The following TRIM34 variants were observed in gnomAD, a reference collection of about 807,000 sequenced individuals.
TRIM34 encodes the protein E3 ubiquitin-protein ligase TRIM34.
TRIM34 carries 41 observed loss-of-function variants against 38.1 expected under a neutral mutation model. The observed-to-expected ratio is 1.08, with a 90% CI of 0.84 to 1.40. The LOEUF is 1.40. Among genes scored for constraint, TRIM34 ranks in the 40% most tolerant of loss-of-function variants. The pLI, the probability that TRIM34 is intolerant of heterozygous loss-of-function variation, is 0.00. For synonymous variants in TRIM34, 200 were observed against 202.5 expected (o/e 0.99, Z 0.10); for missense variants, 556 against 571.4 (o/e 0.97, Z 0.27).
In TRIM34 at chr11:5,633,652, A is replaced by C. The variant is rs1344582686; in HGVS notation, c.424-152A>C. The C allele has an allele frequency of 4.5e-6, 3 of 660,728 alleles. No homozygotes were observed. In the East Asian group the frequency reaches 8.7e-5, roughly 19 times the overall value. 40.9% of individuals were successfully genotyped at this position (660,728 alleles called of 1,614,324 possible). ...ATGAACAATACATTCATCTCCTCAA[A>C]ATTTTCCCCATGTCATAGATTCTAA... On this transcript the variant is annotated intron_variant, in intron 2 of 7. Transcript: ENST00000429814.
At chr11:5,639,538 G>A (rs943273553) in intron 4 of TRIM34, among the ~76,000 whole-genome samples, 2 of 151,630 alleles carry the variant, frequency 1.3e-5, no homozygotes, top group Non-Finnish European at 2.9e-5. Context: ...AAATTAGCCG[G>A]GCATGGTGGC....
At chr11:5,632,130 T>A in intron 1 of TRIM34, 125 bp from the exon 2 acceptor site, 1 of 1,371,088 alleles carries the variant, frequency 7.3e-7, no homozygotes, top group Middle Eastern at 2.5e-4. Flanking sequence ...TCAGCCATTT[T>A]TGGTTTCTCT....
intron 1 of TRIM34, among the ~76,000 whole-genome samples, chr11:5,628,291 G>A (rs894998892): frequency 3.4e-4 from 52 of 152,294 alleles, no homozygotes; most frequent in African/African-American, 1.2e-3. Context: ...ATACTGATTG[G>A]AATAAAAGAT....
chr11:5,644,139 G>T lies in TRIM34; in HGVS notation c.*430G>T. The T allele has an allele frequency of 2.5e-6, 1 of 399,998 alleles. No homozygotes were observed. The highest frequency in any genetic ancestry group is 4.4e-6 in the Non-Finnish European group (1 of 227,178). 24.8% of individuals were successfully genotyped at this position (399,998 alleles called of 1,614,324 possible). A position where few individuals can be genotyped will look rare whatever the true frequency, so the allele number is the denominator to read the frequency against. ...CTCAGGATACCCCAGGTACATCAAG[G>T]AATCAAGGAGAGGAAAATATGAGCA... On this transcript the variant is annotated 3_prime_UTR_variant, in exon 8 of 8. Coordinates refer to ENST00000429814, the MANE Select transcript of TRIM34 (RefSeq NM_021616.6).
intron 1 of TRIM34, among the ~76,000 whole-genome samples, chr11:5,629,568 T>C (rs756695709): frequency 6.6e-6 from 1 of 152,226 alleles, no homozygotes; most frequent in South Asian, 2.1e-4. Flanking sequence ...TGGTACACCC[T>C]CTGGCTGACC....
chr11:5,633,755 A>G (rs749745044), intron 2 of TRIM34, 49 bp from the exon 3 acceptor site: 78 of 1,569,022 alleles, frequency 5.0e-5, no homozygotes, highest in Non-Finnish European at 6.6e-5. Context: ...CTCTATCCAG[A>G]TACTAAGAAA....
intron 3 of TRIM34, 109 bp downstream of exon 3, chr11:5,634,008 T>A (rs1292939412): frequency 7.7e-6 from 9 of 1,162,158 alleles, no homozygotes; most frequent in African/African-American, 1.5e-5. Context: ...CTGAAGCCAT[T>A]TGATTAGTTC....
chr11:5,632,575 A>C lies in TRIM34; in HGVS notation c.244A>C (p.Lys82Gln), dbSNP rs936773156. 6 of 1,613,718 alleles carry C rather than the reference A, an allele frequency of 3.7e-6. No homozygotes were observed. The Admixed American group carries it at 5.0e-5, about 13-fold the overall frequency. Residue 82 changes from lysine to glutamine, a missense_variant, in exon 2 of 8, where the codon AAG becomes CAG. Lys to Gln is a moderately conservative substitution (Grantham distance 53). Transcript: ENST00000429814. ...TCTGGCCAACATAGTGGAGAGACTC[A>C]AGGAGGTCAAGTTGAGCCCAGACAA... ...QHLANIVERL[K>Q]EVKLSPDNGK... is the part of the protein sequence containing the mutation.
At chr11:5,631,178 G>GT (rs1168043889) in intron 1 of TRIM34, among the ~76,000 whole-genome samples, 4 of 152,116 alleles carry the variant, frequency 2.6e-5, no homozygotes, top group Non-Finnish European at 5.9e-5. Flanking sequence ...ATCAACCTCT[G>GT]TAACATCCTT....
intron 2 of TRIM34, among the ~76,000 whole-genome samples, chr11:5,633,378 A>G (rs1055286960): frequency 3.3e-5 from 5 of 152,062 alleles, no homozygotes; most frequent in Non-Finnish European, 7.4e-5. Flanking sequence ...ATCCTAGAGT[A>G]CAGTCTCTTA....
upstream of TRIM34, among the ~76,000 whole-genome samples, chr11:5,620,687 G>A (rs35228037): frequency 0.3 from 46,138 of 151,868 alleles, 7,080 homozygotes; most frequent in African/African-American, 0.35. Flanking sequence ...TATGCCTTAC[G>A]GTGGGAGGGG....
At chr11:5,637,820 C>T (rs749542585) in intron 4 of TRIM34, among the ~76,000 whole-genome samples, 17 of 152,156 alleles carry the variant, frequency 1.1e-4, no homozygotes, top group Non-Finnish European at 2.4e-4. Flanking sequence ...ATTCTAAGTA[C>T]CTCATGTAAG....
upstream of TRIM34, among the ~76,000 whole-genome samples, chr11:5,622,622 A>C (rs1173498197): frequency 9.0e-6 from 1 of 110,856 alleles, no homozygotes; most frequent in Non-Finnish European, 1.7e-5. Context: ...CCATCTCAAA[A>C]AAACAAACAA....
chr11:5,636,325 G>A (rs1321720896), intron 4 of TRIM34, among the ~76,000 whole-genome samples: 3 of 152,114 alleles, frequency 2.0e-5, no homozygotes, highest in South Asian at 2.1e-4. Flanking sequence ...TAGCAAATCC[G>A]TAATATAGAA....
At chr11:5,638,565 G>C (rs537711868) in intron 4 of TRIM34, among the ~76,000 whole-genome samples, 47 of 152,192 alleles carry the variant, frequency 3.1e-4, no homozygotes, top group Non-Finnish European at 4.6e-4. Flanking sequence ...TGATGATGGG[G>C]GAATGCAGAT....
rs532846727 is a variant in TRIM34 at position 5,641,271 on chromosome 11, G to A, written c.773+82G>A. 14 of 1,599,924 alleles carry A rather than the reference G, an allele frequency of 8.8e-6. No homozygotes were observed. In the South Asian group the frequency reaches 1.2e-4, roughly 14 times the overall value. ...ATTAGAGTTATTTGGTGGTCAATTG[G>A]AATAAAAAATCTCCCAGAGTAGTAA... On this transcript the variant is annotated intron_variant, in intron 5 of 7. Coordinates refer to ENST00000429814, the MANE Select transcript of TRIM34 (RefSeq NM_021616.6).
chr11:5,627,197 C>T lies in TRIM34; in HGVS notation c.-78+2137C>T, dbSNP rs574609874. 9.2e-5 allele frequency among the ~76,000 whole-genome samples: 14 copies of T among 152,072 alleles called. No individual in the cohort carries two copies. In the South Asian group the frequency reaches 2.5e-3, roughly 27 times the overall value. On this transcript the variant is annotated intron_variant, in intron 1 of 7. Coordinates refer to ENST00000429814, the MANE Select transcript of TRIM34 (RefSeq NM_021616.6). Reference sequence around the variant, plus strand: ...ATGAGTTTGAGACCAGCCTGGCCAACATGGTGAAACTCTCTCTACTAAAAA... The same window carrying T: ...ATGAGTTTGAGACCAGCCTGGCCAATATGGTGAAACTCTCTCTACTAAAAA...
chr11:5,629,399 G>A (rs921302205), intron 1 of TRIM34, among the ~76,000 whole-genome samples: 2 of 152,176 alleles, frequency 1.3e-5, no homozygotes, highest in Non-Finnish European at 1.5e-5. Flanking sequence ...TCACATAAGT[G>A]AACAATTTTT....
At position 5,632,313 on chromosome 11, in the gene TRIM34, A is replaced by C. The variant is rs878989535; in HGVS notation, c.-19A>C. The C allele has an allele frequency of 3.7e-6, 6 of 1,613,944 alleles. No homozygotes were observed. The highest frequency in any genetic ancestry group is 1.1e-5 in the South Asian group (1 of 91,082). ...GAGCCTCAGGAGTTAGGACCAGAAG[A>C]AGCCAGGGAAGCAGTGCAATGGCTT... On this transcript the variant is annotated 5_prime_UTR_variant, in exon 2 of 8. Transcript: ENST00000429814.
Sources: gnomAD v4.1 joint callset for allele counts (sites outside exome capture counted in the v4.1 genomes callset) on GRCh38, gnomAD v4.1.1 for gene constraint, MANE v1.5 for transcripts, NCBI Gene and HGNC (gene_info 2026-07-23, HGNC 2026-07-21) for gene names.